The following METTL21C variants were observed in gnomAD, a reference collection of about 807,000 sequenced individuals.
METTL21C encodes protein-lysine methyltransferase METTL21C.
METTL21C carries 21 observed loss-of-function variants against 25.9 expected under a neutral mutation model. That is an observed-to-expected ratio of 0.81 (90% CI 0.58 to 1.17). The LOEUF (loss-of-function observed/expected upper bound fraction) is 1.17, where lower values mean the gene tolerates loss of function less well. METTL21C is among the 50% of genes most tolerant of loss of function. The pLI is 0.00. For missense variants in METTL21C, 312 were observed against 315.1 expected, an observed-to-expected ratio of 0.99 and a Z score of 0.07; for synonymous variants, 125 against 124.7, an observed-to-expected ratio of 1.00 and a Z score of -0.01.
At position 102,687,059 on chromosome 13, in the gene METTL21C, TAAAAA is replaced by T. The variant is rs749149024; in HGVS notation, c.283-7_283-3del. 26 of 1,606,696 alleles carry T rather than the reference TAAAAA, an allele frequency of 1.6e-5. No homozygotes were observed. The highest frequency in any genetic ancestry group is 2.2e-5 in the Non-Finnish European group (26 of 1,173,642). On this transcript the variant is annotated splice_polypyrimidine_tract_variant and splice_region_variant and intron_variant, in intron 2 of 3. Coordinates refer to ENST00000267273, the MANE Select transcript of METTL21C (RefSeq NM_001010977.3). The stretch of plus-strand genomic sequence containing the variant: ...CAAGTATTGACACAAAGCCATAGCC[TAAAAA>T]ATAATTATAACTTTTCATGTGGGCA...
Position 102,694,930 on chromosome 13 carries a change from G to T in METTL21C, c.-432C>A, listed in dbSNP as rs896752698. Among the ~76,000 whole-genome samples the T allele has an allele frequency of 1.8e-5, 2 of 110,572 alleles. No homozygotes were observed. The highest frequency in any genetic ancestry group is 3.7e-5 in the Non-Finnish European group (2 of 53,406). The allele number at this position is 110,572 out of a possible 152,430, so 72.5% of individuals were successfully genotyped here. A position where few individuals can be genotyped will look rare whatever the true frequency, so the allele number is the denominator to read the frequency against. ...CACACACACACACACACACACACAC[G>T]CACAGTCCTAGCAACATTCAATGGA... On this transcript the variant is annotated 5_prime_UTR_variant, in exon 1 of 4. The change creates a premature stop within an existing upstream ORF in the 5' untranslated region. Coordinates refer to ENST00000267273, the MANE Select transcript of METTL21C (RefSeq NM_001010977.3).
chr13:102,696,437 C>A (rs1201449873), upstream of METTL21C, among the ~76,000 whole-genome samples: 3 of 152,118 alleles, frequency 2.0e-5, no homozygotes, highest in Non-Finnish European at 4.4e-5. Context: ...ATGGGTGCAA[C>A]AAACCACCAT....
At chr13:102,697,854 G>A (rs555340394), upstream of METTL21C, among the ~76,000 whole-genome samples, 2 of 152,152 alleles carry the variant, frequency 1.3e-5, no homozygotes, top group Non-Finnish European at 2.9e-5. Context: ...ACAGGAGCAG[G>A]CGACCAGAGC....
the METTL21C span, among the ~76,000 whole-genome samples, chr13:102,703,642 G>T: frequency 4.6e-5 from 7 of 152,200 alleles, no homozygotes; most frequent in Admixed American, 1.3e-4. Context: ...GGATCATCAG[G>T]GTTGGTGGAG....
At chr13:102,703,709 T>C in the METTL21C span, among the ~76,000 whole-genome samples, 1 of 152,210 alleles carries the variant, frequency 6.6e-6, no homozygotes, top group African/African-American at 2.4e-5. Flanking sequence ...AAATATATAA[T>C]TCAAAATCTA....
the METTL21C span, among the ~76,000 whole-genome samples, chr13:102,701,527 A>G: frequency 1.3e-5 from 2 of 152,212 alleles, no homozygotes; most frequent in Non-Finnish European, 2.9e-5. Context: ...CAAATCTTAT[A>G]TGACCAAGAC....
intron 1 of METTL21C, among the ~76,000 whole-genome samples, chr13:102,692,632 T>C (rs896821536): frequency 6.6e-6 from 1 of 152,242 alleles, no homozygotes; most frequent in African/African-American, 2.4e-5. Flanking sequence ...CCTTCAGTTC[T>C]TCAGAGTGTT....
chr13:102,697,777 G>A (rs551088466), upstream of METTL21C, among the ~76,000 whole-genome samples: 2 of 152,298 alleles, frequency 1.3e-5, no homozygotes, highest in South Asian at 4.1e-4. Context: ...GAATAACACA[G>A]CAAGGAAAGT....
In METTL21C at chr13:102,690,872, C is replaced by T. The variant is rs1293437196; in HGVS notation, c.223G>A (p.Gly75Arg). 1 of 1,614,056 alleles carries T rather than the reference C, an allele frequency of 6.2e-7. No homozygotes were observed. The highest frequency in any genetic ancestry group is 8.5e-7 in the Non-Finnish European group (1 of 1,180,030). The change falls in exon 2 of 4, where the codon GGA (glycine) becomes AGA (arginine). Residue 75 changes from glycine to arginine, a missense_variant. Gly to Arg is a moderately radical substitution (Grantham distance 125). Coordinates refer to ENST00000267273, the MANE Select transcript of METTL21C (RefSeq NM_001010977.3). ...GATTCCTGGATGACAATCTCCTTTC[C>T]TGCAAACCGATAATGCTCCTGAGTG... Reference protein sequence around the residue: ...SYTQEHYRFAGKEIVIQESIE... With the variant: ...SYTQEHYRFARKEIVIQESIE...
In METTL21C at chr13:102,694,385, G is replaced by A. The variant is rs144831458; in HGVS notation, c.114C>T (p.Thr38=). The A allele has an allele frequency of 4.5e-6, 7 of 1,566,022 alleles. No homozygotes were observed. In the African/African-American group the frequency reaches 4.9e-5, roughly 11 times the overall value. The change falls in exon 1 of 4, where the codon ACC becomes ACT. Residue 38 remains threonine, a synonymous_variant. Transcript: ENST00000267273. Reference sequence around the variant, plus strand: ...GGAGGTTACCTTCTAGGACTCCCCCGGTGCTGTCTTTCTGCGGAGCCCCCT... The same window carrying A: ...GGAGGTTACCTTCTAGGACTCCCCCAGTGCTGTCTTTCTGCGGAGCCCCCT... ...EKKGAPQKDS[T]GGVLEESNKI...
upstream of METTL21C, among the ~76,000 whole-genome samples, chr13:102,699,005 G>T (rs963719246): frequency 6.6e-6 from 1 of 152,086 alleles, no homozygotes; most frequent in African/African-American, 2.4e-5. Flanking sequence ...CAATGTCTAG[G>T]GAAAAAGATT....
rs962165160 is a variant in METTL21C, at chr13:102,685,913, A to G, written c.*118T>C. On this transcript the variant is annotated 3_prime_UTR_variant, in exon 4 of 4. Coordinates refer to ENST00000267273, the MANE Select transcript of METTL21C (RefSeq NM_001010977.3). ...CAGTATTGTTACATTTGTTCCAAGTATACAAGTTGTTTCTATGCACTACCT... is the reference window on the plus strand; with the variant it reads ...CAGTATTGTTACATTTGTTCCAAGTGTACAAGTTGTTTCTATGCACTACCT... 6.3e-6 allele frequency: 6 copies of G among 957,744 alleles called. No individual in the cohort carries two copies. The highest frequency in any genetic ancestry group is 5.0e-5 in the African/African-American group (3 of 60,462). The allele number at this position is 957,744 out of a possible 1,614,324, so 59.3% of individuals were successfully genotyped here.
rs1767650674 is a variant in METTL21C, at chr13:102,694,767, A to G, written c.-269T>C. Among the ~76,000 whole-genome samples, 1 of 151,970 alleles carries G rather than the reference A, an allele frequency of 6.6e-6. No homozygotes were observed. Among genetic ancestry groups the G allele is most frequent in the Non-Finnish European group, 1.5e-5 (1 of 68,000 alleles). The stretch of plus-strand genomic sequence containing the variant: ...TTTATATAGGTCTACACCTGAAAGG[A>G]TTAGCATTTGATGAACAAAATCCAG... On this transcript the variant is annotated 5_prime_UTR_variant, in exon 1 of 4. Transcript: ENST00000267273.
At position 102,686,375 on chromosome 13, in the gene METTL21C, A is replaced by G. The variant is rs1289752350; in HGVS notation, c.451T>C (p.Tyr151His). ...DLPDVLGNLQ[Y>H]NLLKNTLQCT... ...TGTAGTGTGTTTTTTAAAAGATTGT[A>G]TTGAAGGTTTCCCAGGACATCAGGC... Residue 151 changes from tyrosine (Y) to histidine (H), a missense_variant, in exon 4 of 4, where the codon TAC becomes CAC. Physicochemically the swap from Tyr to His is moderately conservative, Grantham distance 83. Transcript: ENST00000267273. 1.2e-6 allele frequency: 2 copies of G among 1,613,916 alleles called. No homozygotes were observed. The highest frequency in any genetic ancestry group is 1.7e-5 in the Admixed American group (1 of 59,988).
chr13:102,691,019 G>A lies in METTL21C; in HGVS notation c.131-55C>T, dbSNP rs542415664. 1.9e-5 allele frequency: 30 copies of A among 1,576,380 alleles called. No homozygotes were observed. In the East Asian group the frequency reaches 5.6e-4, roughly 29 times the overall value. On this transcript the variant is annotated intron_variant, in intron 1 of 3. Coordinates refer to ENST00000267273, the MANE Select transcript of METTL21C (RefSeq NM_001010977.3). ...ATGATTTGTTCAAATCCAGTGCAAA[G>A]ACACACTTGGTATAATTGCTAAGAT...
intron 3 of METTL21C, among the ~76,000 whole-genome samples, 183 bp downstream of exon 3, chr13:102,686,757 C>T (rs551267551): frequency 1.3e-5 from 2 of 152,280 alleles, no homozygotes; most frequent in South Asian, 4.2e-4. Flanking sequence ...AGTTTATTAA[C>T]CTCTCTGAGA....
upstream of METTL21C, among the ~76,000 whole-genome samples, chr13:102,696,203 T>C (rs931754162): frequency 1.3e-5 from 2 of 152,182 alleles, no homozygotes; most frequent in Admixed American, 6.5e-5. Context: ...GATGAGTTCA[T>C]GTCCTTTGCA....
At chr13:102,695,768 C>G (rs1885936801), upstream of METTL21C, among the ~76,000 whole-genome samples, 1 of 152,148 alleles carries the variant, frequency 6.6e-6, no homozygotes, top group East Asian at 1.9e-4. Context: ...TCTTATTCCC[C>G]AAATGCATCT....
Position 102,686,227 on chromosome 13 carries a change from T to C in METTL21C, c.599A>G (p.Tyr200Cys), listed in dbSNP as rs781604072. The C allele has an allele frequency of 2.5e-6, 4 of 1,614,168 alleles. No individual in the cohort carries two copies. The highest frequency in any genetic ancestry group is 3.3e-5 in the Admixed American group (2 of 60,028). ...GGTGGTGAGCAGCTTGTCCAGGAAG[T>C]AGTGATGGTAGACCACATCTGAGGC... Reference protein sequence around the residue: ...VLASDVVYHHYFLDKLLTTMV... With the variant: ...VLASDVVYHHCFLDKLLTTMV... Residue 200 changes from tyrosine (Y) to cysteine (C), a missense_variant, in exon 4 of 4, where the codon TAC becomes TGC. By Grantham distance (194) the Tyr-to-Cys change is radical. Coordinates refer to ENST00000267273, the MANE Select transcript of METTL21C (RefSeq NM_001010977.3).
Sources: allele counts gnomAD v4.1 joint callset (sites outside exome capture counted in the v4.1 genomes callset), GRCh38; gene constraint gnomAD v4.1.1; transcripts MANE v1.5; gene names NCBI Gene and HGNC (gene_info 2026-07-23, HGNC 2026-07-21).